Variants in KCNMB2 observed in about 807,000 individuals in gnomAD.
KCNMB2 encodes potassium calcium-activated channel subfamily M regulatory beta subunit 2, also known as calcium-activated potassium channel subunit beta-2.
Under a neutral mutation model 24.5 loss-of-function variants are expected in KCNMB2, and 9 were observed. That is an observed-to-expected ratio of 0.37 (90% CI 0.22 to 0.64). The LOEUF (loss-of-function observed/expected upper bound fraction) is 0.64. Ranked by LOEUF, KCNMB2 falls within the 30% of genes least tolerant of loss-of-function variation. The pLI is 0.63. For synonymous variants in KCNMB2, 109 were observed against 104.4 expected (o/e 1.04, Z -0.27); for missense variants, 226 against 284.3 (o/e 0.79, Z 1.47).
At chr3:178,542,100 G>C (rs1715639877) in intron 1 of KCNMB2, among the ~76,000 whole-genome samples, 1 of 152,168 alleles carries the variant, frequency 6.6e-6, no homozygotes, top group Non-Finnish European at 1.5e-5. Flanking sequence ...CCTTGTCCAA[G>C]TGTGCGCTCA....
chr3:178,709,514 G>A (rs1039209429), intron 1 of KCNMB2, among the ~76,000 whole-genome samples: 2 of 152,110 alleles, frequency 1.3e-5, no homozygotes, highest in Non-Finnish European at 2.9e-5. Context: ...AGCAAAAGAC[G>A]GGTTAACACA....
intron 1 of KCNMB2, among the ~76,000 whole-genome samples, chr3:178,641,758 C>A (rs1313493833): frequency 6.6e-6 from 1 of 152,086 alleles, no homozygotes; most frequent in African/African-American, 2.4e-5. Flanking sequence ...AGGAAATGTT[C>A]TCTTTCTCTT....
intron 1 of KCNMB2, among the ~76,000 whole-genome samples, chr3:178,720,895 G>A (rs1016666594): frequency 4.6e-5 from 7 of 151,916 alleles, no homozygotes; most frequent in African/African-American, 1.7e-4. Flanking sequence ...TTTGTCAGAT[G>A]AGTAGGTTGC....
At chr3:178,646,993 A>C (rs1294066793) in intron 1 of KCNMB2, among the ~76,000 whole-genome samples, 1 of 152,244 alleles carries the variant, frequency 6.6e-6, no homozygotes, top group African/African-American at 2.4e-5. Context: ...TCTTATAGCT[A>C]TACTGTAATT....
At chr3:178,821,311 C>A (rs1577214122) in intron 2 of KCNMB2, among the ~76,000 whole-genome samples, 1 of 152,166 alleles carries the variant, frequency 6.6e-6, no homozygotes, top group South Asian at 2.1e-4. Flanking sequence ...CAAAATATGG[C>A]ATCATGCTCC....
chr3:178,818,278 GTTCTT>G (rs1560033697), intron 2 of KCNMB2, among the ~76,000 whole-genome samples: 2 of 152,102 alleles, frequency 1.3e-5, no homozygotes, highest in African/African-American at 4.8e-5. Flanking sequence ...TTGTTTGTTT[GTTCTT>G]AAGTTCTGGG....
At chr3:178,811,422 ATT>A (rs1714187629) in intron 2 of KCNMB2, among the ~76,000 whole-genome samples, 1 of 152,172 alleles carries the variant, frequency 6.6e-6, no homozygotes. Flanking sequence ...TAAACAATAT[ATT>A]GTTTCCATCC....
At chr3:178,587,209 C>A (rs1296989099) in intron 1 of KCNMB2, among the ~76,000 whole-genome samples, 2 of 152,072 alleles carry the variant, frequency 1.3e-5, no homozygotes, top group Non-Finnish European at 2.9e-5. Context: ...TTTTATACTA[C>A]ATTTTCCAAT....
chr3:178,799,770 C>A (rs895273503), intron 1 of KCNMB2, among the ~76,000 whole-genome samples: 1 of 152,112 alleles, frequency 6.6e-6, no homozygotes, highest in African/African-American at 2.4e-5. Context: ...TATCTGACAT[C>A]AAATTATGCC....
chr3:178,589,863 G>T (rs1717595828), intron 1 of KCNMB2, among the ~76,000 whole-genome samples: 1 of 152,148 alleles, frequency 6.6e-6, no homozygotes, highest in South Asian at 2.1e-4. Flanking sequence ...ATACTTGTGG[G>T]TTAATTCACT....
rs1373172832 is a variant in KCNMB2 at position 178,627,795 on chromosome 3, T to C, written c.-68+91084T>C. Among the ~76,000 whole-genome samples the C allele has an allele frequency of 5.9e-5, 9 of 152,316 alleles. No individual in the cohort carries two copies. In the East Asian group the frequency reaches 1.7e-3, roughly 29 times the overall value. On this transcript the variant is annotated intron_variant, in intron 1 of 4. Coordinates refer to ENST00000452583, the MANE Select transcript of KCNMB2 (RefSeq NM_181361.3). Reference sequence around the variant, plus strand: ...AATAAGTTGTCGCTTCTCAAAGACTTGAATTGTATTATGGGGACAGCAACC... The same window carrying C: ...AATAAGTTGTCGCTTCTCAAAGACTCGAATTGTATTATGGGGACAGCAACC...
At chr3:178,747,917 G>C (rs1723724563) in intron 1 of KCNMB2, among the ~76,000 whole-genome samples, 3 of 152,202 alleles carry the variant, frequency 2.0e-5, no homozygotes, top group Admixed American at 1.3e-4. Context: ...AAAGTTACTT[G>C]GTTGAAATAG....
chr3:178,578,930 C>G (rs1226476957), intron 1 of KCNMB2, among the ~76,000 whole-genome samples: 1 of 152,100 alleles, frequency 6.6e-6, no homozygotes, highest in South Asian at 2.1e-4. Context: ...TAATGGGAGA[C>G]TTTAACACCC....
Position 178,759,758 on chromosome 3 carries a change from ATATATATATC to A in KCNMB2, c.-67-47584_-67-47575del, listed in dbSNP as rs1560009645. On this transcript the variant is annotated intron_variant, in intron 1 of 4. Transcript: ENST00000452583. Reference sequence around the variant, plus strand: ...TATATATCCAAGAGGATATATCTATATATATATATCCAAGAGGATATATCTATATATATAT... The same window carrying A: ...TATATATCCAAGAGGATATATCTATACAAGAGGATATATCTATATATATAT... 4.1e-4 allele frequency among the ~76,000 whole-genome samples: 23 copies of A among 55,936 alleles called. 3 individuals carry two copies. The highest frequency in any genetic ancestry group is 1.5e-3 in the African/African-American group (16 of 10,920). 36.7% of individuals were successfully genotyped at this position (55,936 alleles called of 152,430 possible).
intron 4 of KCNMB2, among the ~76,000 whole-genome samples, chr3:178,831,663 C>T (rs1045681702): frequency 6.6e-6 from 1 of 152,054 alleles, no homozygotes; most frequent in Non-Finnish European, 1.5e-5. Flanking sequence ...AAACCAAATA[C>T]CACATATTCT....
chr3:178,828,419 C>T (rs761442708), intron 4 of KCNMB2, 46 bp downstream of exon 4: 9 of 1,414,426 alleles, frequency 6.4e-6, no homozygotes, highest in Middle Eastern at 1.8e-4. Context: ...CAGAGCTTCA[C>T]ACCAGGCTCT....
chr3:178,740,211 T>C (rs1435095252), intron 1 of KCNMB2, among the ~76,000 whole-genome samples: 5 of 152,010 alleles, frequency 3.3e-5, no homozygotes. Flanking sequence ...CTCTGCCTCC[T>C]GGGTTCACAC....
rs1169177959 is a variant in KCNMB2 at position 178,574,281 on chromosome 3, C to A, written c.-68+37570C>A. 3.3e-5 allele frequency among the ~76,000 whole-genome samples: 5 copies of A among 152,218 alleles called. No homozygotes were observed. The East Asian group carries it at 9.6e-4, about 29-fold the overall frequency. ...TGTTTGGAGATCAGGCTGCACTGAACACACAGGCAGCAGGCTGTGACTCTT... is the reference window on the plus strand; with the variant it reads ...TGTTTGGAGATCAGGCTGCACTGAAAACACAGGCAGCAGGCTGTGACTCTT... On this transcript the variant is annotated intron_variant, in intron 1 of 4. Transcript: ENST00000452583.
chr3:178,603,674 A>G (rs1718175137), intron 1 of KCNMB2, among the ~76,000 whole-genome samples: 1 of 152,148 alleles, frequency 6.6e-6, no homozygotes, highest in African/African-American at 2.4e-5. Context: ...AGTTGAGACC[A>G]TAGGGAGAGC....
Sources: allele counts gnomAD v4.1 joint callset (sites outside exome capture counted in the v4.1 genomes callset), GRCh38; gene constraint gnomAD v4.1.1; transcripts MANE v1.5; gene names NCBI Gene and HGNC (gene_info 2026-07-23, HGNC 2026-07-21).